The following ANK3 variants were observed in gnomAD, a reference collection of about 807,000 sequenced individuals.
ANK3 encodes ankyrin 3.
ANK3 carries 57 observed loss-of-function variants against 370.9 expected under a neutral mutation model. The observed-to-expected ratio is 0.15, with a 90% CI of 0.12 to 0.19. The LOEUF (loss-of-function observed/expected upper bound fraction) is 0.19. ANK3 is among the 10% of genes least tolerant of loss of function. The pLI, the probability that ANK3 is intolerant of heterozygous loss-of-function variation, is 1.00. For synonymous variants in ANK3, 1,929 were observed against 1,946.3 expected (o/e 0.99, Z 0.23); for missense variants, 4,439 against 5,302.1 (o/e 0.84, Z 5.06).
chr10:60,180,356 G>A (rs1236898444), intron 18 of ANK3, among the ~76,000 whole-genome samples: 1 of 144,994 alleles, frequency 6.9e-6, no homozygotes, highest in Non-Finnish European at 1.5e-5. Flanking sequence ...CCAGCACTTT[G>A]GGAGGCCGAG....
chr10:60,579,177 T>C (rs1216276272), intron 2 of ANK3, among the ~76,000 whole-genome samples: 1 of 151,632 alleles, frequency 6.6e-6, no homozygotes, highest in Non-Finnish European at 1.5e-5. Context: ...ATACAAAAAT[T>C]TGCTGGAAGT....
rs1168927218 is a variant in ANK3, at chr10:60,389,735, T to A, written c.-197A>T. On this transcript the variant is annotated 5_prime_UTR_variant, in exon 1 of 44. The change creates a new upstream start codon in the 5' untranslated region. Coordinates refer to ENST00000280772, the MANE Select transcript of ANK3 (RefSeq NM_020987.5). ...AAAACCCAAATGATGGTGTCCGGAC[T>A]TCATCCTACACCTTCCTCTACCTGA... 8 of 1,419,710 alleles carry A rather than the reference T, an allele frequency of 5.6e-6. No homozygotes were observed. The highest frequency in any genetic ancestry group is 7.3e-6 in the Non-Finnish European group (8 of 1,092,470). 87.9% of individuals were successfully genotyped at this position (1,419,710 alleles called of 1,614,324 possible). A position where few individuals can be genotyped will look rare whatever the true frequency, so the allele number is the denominator to read the frequency against.
intron 2 of ANK3, among the ~76,000 whole-genome samples, chr10:60,518,679 G>A (rs79299037): frequency 6.6e-6 from 1 of 152,082 alleles, no homozygotes; most frequent in Admixed American, 6.6e-5. Flanking sequence ...CTCACGGCTT[G>A]TGAAACCATT....
chr10:60,697,720 G>T (rs1390873237), intron 1 of ANK3, among the ~76,000 whole-genome samples: 1 of 151,992 alleles, frequency 6.6e-6, no homozygotes, highest in Non-Finnish European at 1.5e-5. Context: ...GCTGAAACTG[G>T]ATCCCTTCCT....
rs139429036 is a variant in ANK3 at position 60,710,890 on chromosome 10, C to T, written c.57+22373G>A. Among the ~76,000 whole-genome samples, 505 of 152,300 alleles carry T rather than the reference C, an allele frequency of 3.3e-3. 3 individuals are homozygous for T. Among genetic ancestry groups the T allele is most frequent in the African/African-American group, 0.012 (480 of 41,552 alleles). On this transcript the variant is annotated intron_variant, in intron 1 of 43. Coordinates refer to the ANK3 transcript ENST00000373827. ...AGGTTGATGTTCTGGCTCAACTAGTCTGGCAGAAAGCAAATTCAGCCTTCC... is the reference window on the plus strand; with the variant it reads ...AGGTTGATGTTCTGGCTCAACTAGTTTGGCAGAAAGCAAATTCAGCCTTCC...
intron 1 of ANK3, among the ~76,000 whole-genome samples, chr10:60,637,850 A>G (rs1033846351): frequency 6.6e-6 from 1 of 152,216 alleles, no homozygotes; most frequent in African/African-American, 2.4e-5. Context: ...ATTAAAGAAT[A>G]TTTGTAACAA....
chr10:60,142,407 T>G (rs1157596439), intron 23 of ANK3, among the ~76,000 whole-genome samples: 1 of 152,190 alleles, frequency 6.6e-6, no homozygotes, highest in Non-Finnish European at 1.5e-5. Flanking sequence ...TCTTTCCCAT[T>G]GGCTGGTGAG....
intron 1 of ANK3, among the ~76,000 whole-genome samples, chr10:60,728,702 G>C (rs921848631): frequency 1.3e-5 from 2 of 152,176 alleles, no homozygotes; most frequent in Non-Finnish European, 2.9e-5. Flanking sequence ...TACAGAACTA[G>C]TTAGTTGGAG....
chr10:60,710,141 A>G (rs1339343352), intron 1 of ANK3, among the ~76,000 whole-genome samples: 1 of 152,204 alleles, frequency 6.6e-6, no homozygotes, highest in Admixed American at 6.5e-5. Context: ...TGAAAAATAC[A>G]TAAGAACTAT....
intron 16 of ANK3, among the ~76,000 whole-genome samples, chr10:60,192,281 T>C (rs2096496662): frequency 6.6e-6 from 1 of 151,860 alleles, no homozygotes; most frequent in African/African-American, 2.4e-5. Flanking sequence ...TAGTATTCCA[T>C]GGTATGCACA....
intron 1 of ANK3, among the ~76,000 whole-genome samples, chr10:60,305,342 T>G (rs778434799): frequency 2.0e-5 from 3 of 152,030 alleles, no homozygotes; most frequent in African/African-American, 4.8e-5. Context: ...AGGCAGACCT[T>G]AGTTCCAGCA....
At chr10:60,483,005 G>A (rs945261986) in intron 2 of ANK3, among the ~76,000 whole-genome samples, 3 of 152,200 alleles carry the variant, frequency 2.0e-5, no homozygotes, top group Admixed American at 6.5e-5. Context: ...GCGTCACATC[G>A]TTCTCGTGCT....
chr10:60,230,718 A>G (rs7080531), intron 8 of ANK3, among the ~76,000 whole-genome samples: 115,815 of 151,608 alleles, frequency 0.76, 44,268 homozygotes, highest in East Asian at 0.85. Flanking sequence ...GTGAAACCCC[A>G]TCTCTACTAA....
At chr10:60,436,550 T>G (rs901633391) in intron 2 of ANK3, among the ~76,000 whole-genome samples, 1 of 152,360 alleles carries the variant, frequency 6.6e-6, no homozygotes, top group South Asian at 2.1e-4. Flanking sequence ...ATTTCCTTGA[T>G]GGCTAAAGAT....
chr10:60,504,407 A>T (rs190035192), intron 2 of ANK3, among the ~76,000 whole-genome samples: 1 of 152,292 alleles, frequency 6.6e-6, no homozygotes, highest in African/African-American at 2.4e-5. Flanking sequence ...GGTATTTTTC[A>T]TGCATCAATT....
At chr10:60,591,745 A>C (rs909539626) in intron 2 of ANK3, among the ~76,000 whole-genome samples, 1 of 152,220 alleles carries the variant, frequency 6.6e-6, no homozygotes, top group South Asian at 2.1e-4. Flanking sequence ...ATTCTGCCAT[A>C]AAAAGAATGA....
At chr10:60,204,652 A>G (rs76068186) in intron 11 of ANK3, among the ~76,000 whole-genome samples, 2,959 of 152,292 alleles carry the variant, frequency 0.019, 100 homozygotes, top group African/African-American at 0.068. Context: ...GGCATTCAAC[A>G]AAACTTTACT....
chr10:60,397,425 A>G (rs1220156447), intron 2 of ANK3, among the ~76,000 whole-genome samples: 1 of 152,198 alleles, frequency 6.6e-6, no homozygotes, highest in Non-Finnish European at 1.5e-5. Context: ...ATCCTTCTGT[A>G]GAGTGGAAAT....
At chr10:60,653,455 G>C (rs747309085) in intron 1 of ANK3, among the ~76,000 whole-genome samples, 2 of 151,932 alleles carry the variant, frequency 1.3e-5, no homozygotes, top group South Asian at 2.1e-4. Flanking sequence ...GTTGAAAATT[G>C]ATAATATATG....
Sources: gnomAD v4.1 joint callset for allele counts (sites outside exome capture counted in the v4.1 genomes callset) on GRCh38, gnomAD v4.1.1 for gene constraint, MANE v1.5 for transcripts, NCBI Gene and HGNC (gene_info 2026-07-23, HGNC 2026-07-21) for gene names.